The following PEPD variants were observed in gnomAD, a reference collection of about 807,000 sequenced individuals.
The protein encoded by PEPD is peptidase D.
Under a neutral mutation model 60.7 loss-of-function variants are expected in PEPD, and 53 were observed. The observed-to-expected ratio is 0.87, with a 90% CI of 0.70 to 1.10. The LOEUF (loss-of-function observed/expected upper bound fraction) is 1.10. Among genes scored for constraint, PEPD ranks in the 50% least tolerant of loss-of-function variants. PEPD has a pLI of 0.00. For missense variants in PEPD, 711 were observed against 711.9 expected (o/e 1.00, Z 0.01); for synonymous variants, 267 against 284.1 (o/e 0.94, Z 0.60).
chr19:33,388,113 G>T, intron 13 of PEPD, 32 bp from the exon 14 acceptor site: 2 of 1,528,070 alleles, frequency 1.3e-6, no homozygotes, highest in Non-Finnish European at 1.8e-6. Context: ...GGCCTGATGA[G>T]CAGCTCCAGG....
At chr19:33,475,571 A>G (rs970121442) in intron 7 of PEPD, among the ~76,000 whole-genome samples, 1 of 152,224 alleles carries the variant, frequency 6.6e-6, no homozygotes, top group Non-Finnish European at 1.5e-5. Flanking sequence ...TCGACCTCAA[A>G]GCCTCGAAAA....
chr19:33,436,438 C>T (rs78451958), intron 9 of PEPD, among the ~76,000 whole-genome samples: 4,516 of 152,256 alleles, frequency 0.03, 136 homozygotes, highest in African/African-American at 0.067. Flanking sequence ...TGGGCCTGGT[C>T]TGAGGGCTCC....
intron 12 of PEPD, 86 bp from the exon 13 acceptor site, chr19:33,391,565 C>T: frequency 8.0e-7 from 1 of 1,252,980 alleles, no homozygotes; most frequent in Admixed American, 2.0e-5. Flanking sequence ...GAAGCCCTCA[C>T]ACTGGCTGTG....
chr19:33,490,111 C>T (rs1970471315), intron 5 of PEPD, 54 bp from the exon 6 acceptor site: 1 of 1,274,724 alleles, frequency 7.8e-7, no homozygotes, highest in Non-Finnish European at 1.1e-6. Context: ...GCCCCCACAG[C>T]CTGCACCCCT....
intron 9 of PEPD, among the ~76,000 whole-genome samples, chr19:33,425,924 C>G (rs1264674251): frequency 6.6e-6 from 1 of 152,250 alleles, no homozygotes; most frequent in African/African-American, 2.4e-5. Context: ...ATCCTCCTGC[C>G]TCAGCCTCCT....
chr19:33,481,646 A>G (rs1970315454), intron 6 of PEPD, among the ~76,000 whole-genome samples: 1 of 152,206 alleles, frequency 6.6e-6, no homozygotes, highest in Admixed American at 6.5e-5. Flanking sequence ...AACTTCTCAT[A>G]AAGAAAAGCC....
At chr19:33,463,690 G>A (rs913714753) in intron 8 of PEPD, among the ~76,000 whole-genome samples, 1 of 152,212 alleles carries the variant, frequency 6.6e-6, no homozygotes, top group Non-Finnish European at 1.5e-5. Context: ...TATGAAGAAG[G>A]AGCACTCTAC....
chr19:33,515,728 A>G (rs1327609598), intron 1 of PEPD, among the ~76,000 whole-genome samples: 1 of 150,204 alleles, frequency 6.7e-6, no homozygotes, highest in Non-Finnish European at 1.5e-5. Context: ...GAAAATGCCC[A>G]TCCTCAGCCA....
At position 33,500,350 on chromosome 19, in the gene PEPD, A is replaced by G. The variant is rs28715797; in HGVS notation, c.393+588T>C. ...CAGCCCTGCCCCACTGGCAGGAAGG[A>G]GAGCTGGAGTCGAGGAGTCAGGGCA... On this transcript the variant is annotated intron_variant, in intron 4 of 14. Coordinates refer to ENST00000244137, the MANE Select transcript of PEPD (RefSeq NM_000285.4). Among the ~76,000 whole-genome samples the G allele has an allele frequency of 9.4e-3, 1,431 of 152,314 alleles. 26 individuals carry two copies. Among genetic ancestry groups the G allele is most frequent in the African/African-American group, 0.033 (1,354 of 41,564 alleles).
intron 12 of PEPD, 116 bp from the exon 13 acceptor site, chr19:33,391,595 G>C (rs1457990163): frequency 3.2e-6 from 3 of 948,056 alleles, no homozygotes; most frequent in African/African-American, 3.2e-5. Context: ...CCTGAGGTGG[G>C]GGGTGAGGGG....
At chr19:33,502,792 G>A (rs552029919) in intron 3 of PEPD, among the ~76,000 whole-genome samples, 3 of 152,168 alleles carry the variant, frequency 2.0e-5, no homozygotes, top group African/African-American at 7.2e-5. Context: ...CTGCTCAGCC[G>A]GCTCCCACAC....
Position 33,521,775 on chromosome 19 carries a change from G to A in PEPD, c.-15C>T, listed in dbSNP as rs1409381619. ...GCCGCCGCCATGTTCGCCCGGCACC[G>A]GCGTCACGTGAAGTGCGGCGTCAGC... On this transcript the variant is annotated 5_prime_UTR_variant, in exon 1 of 15. Coordinates refer to ENST00000244137, the MANE Select transcript of PEPD (RefSeq NM_000285.4). 4.5e-6 allele frequency: 7 copies of A among 1,572,400 alleles called. No homozygotes were observed. The highest frequency in any genetic ancestry group is 6.0e-6 in the Non-Finnish European group (7 of 1,164,152).
intron 9 of PEPD, among the ~76,000 whole-genome samples, chr19:33,433,332 A>G (rs928285108): frequency 3.3e-5 from 5 of 152,332 alleles, no homozygotes; most frequent in African/African-American, 1.2e-4. Context: ...TCTCCCTGCC[A>G]AGGGGGCACG....
chr19:33,496,622 C>T (rs1013309324), intron 4 of PEPD, among the ~76,000 whole-genome samples: 13 of 152,254 alleles, frequency 8.5e-5, no homozygotes, highest in South Asian at 2.1e-4. Flanking sequence ...CAAGACAGCA[C>T]GGCTCTGTCA....
At chr19:33,515,032 G>T (rs1971000131) in intron 1 of PEPD, among the ~76,000 whole-genome samples, 1 of 152,192 alleles carries the variant, frequency 6.6e-6, no homozygotes, top group African/African-American at 2.4e-5. Flanking sequence ...AGCGGGTGCT[G>T]CCTGGTGCTT....
chr19:33,421,158 T>G (rs1969008943), intron 9 of PEPD, among the ~76,000 whole-genome samples: 1 of 152,230 alleles, frequency 6.6e-6, no homozygotes, highest in African/African-American at 2.4e-5. Flanking sequence ...CAGCCATGAG[T>G]TCTTGTACAG....
chr19:33,436,170 A>C (rs1430230841), intron 9 of PEPD, among the ~76,000 whole-genome samples: 1 of 151,430 alleles, frequency 6.6e-6, no homozygotes, highest in Non-Finnish European at 1.5e-5. Flanking sequence ...GAGGAAGGAG[A>C]GGGAGAAAGA....
intron 9 of PEPD, among the ~76,000 whole-genome samples, chr19:33,456,912 C>T (rs1000145363): frequency 2.6e-5 from 4 of 151,658 alleles, no homozygotes; most frequent in African/African-American, 7.3e-5. Flanking sequence ...CGGAGGAAGA[C>T]GGGGACCTCC....
At chr19:33,426,562 G>C (rs1235684124) in intron 9 of PEPD, among the ~76,000 whole-genome samples, 1 of 152,218 alleles carries the variant, frequency 6.6e-6, no homozygotes, top group African/African-American at 2.4e-5. Context: ...GGGCTCTGGA[G>C]AAGAGAGGAG....
Sources: allele counts gnomAD v4.1 joint callset (sites outside exome capture counted in the v4.1 genomes callset), GRCh38; gene constraint gnomAD v4.1.1; transcripts MANE v1.5; gene names NCBI Gene and HGNC (gene_info 2026-07-23, HGNC 2026-07-21).